FAM184A: variants seen among roughly 807,000 people sequenced by gnomAD.
FAM184A encodes family with sequence similarity 184 member A.
Under a neutral mutation model 143.8 loss-of-function variants are expected in FAM184A, and 99 were observed. The ratio of observed to expected loss-of-function variants is 0.69; its 90% CI spans 0.58 to 0.81. The LOEUF (loss-of-function observed/expected upper bound fraction) is 0.81. Among genes scored for constraint, FAM184A ranks in the 40% least tolerant of loss-of-function variants. FAM184A has a pLI of 0.00. For missense variants in FAM184A, 1,217 were observed against 1,310.5 expected, an observed-to-expected ratio of 0.93 and a Z score of 1.10; for synonymous variants, 427 against 446.4, an observed-to-expected ratio of 0.96 and a Z score of 0.55.
chr6:118,963,441 T>C (rs1783396112), intron 16 of FAM184A: 1 of 152,164 alleles, frequency 6.6e-6, no homozygotes, highest in African/African-American at 2.4e-5. Flanking sequence ...AATTATTTAC[T>C]CAGAGCTTTC....
At chr6:119,123,911 A>G (rs1300081329) in intron 1 of FAM184A, among the ~76,000 whole-genome samples, 1 of 152,220 alleles carries the variant, frequency 6.6e-6, no homozygotes, top group African/African-American at 2.4e-5. Context: ...TGATTGTGCC[A>G]TTACATTACA....
rs983544110 is a variant in FAM184A, at chr6:118,964,836, T to C, written c.3034-65A>G. On this transcript the variant is annotated intron_variant, in intron 15 of 17. Transcript: ENST00000338891. ...ATGGAATATTTTAAAAACATAAATG[T>C]ATAAACGCCATTTCATTTAAAATTT... 33 of 797,100 alleles carry C rather than the reference T, an allele frequency of 4.1e-5. No individual in the cohort carries two copies. In the South Asian group the frequency reaches 4.3e-4, roughly 10 times the overall value. The allele number at this position is 797,100 out of a possible 1,614,324, so 49.4% of individuals were successfully genotyped here. A position where few individuals can be genotyped will look rare whatever the true frequency, so the allele number is the denominator to read the frequency against.
intron 9 of FAM184A, among the ~76,000 whole-genome samples, chr6:118,981,259 C>A (rs1265089605): frequency 6.6e-6 from 1 of 152,062 alleles, no homozygotes. Context: ...ATTTAATTGA[C>A]CTATTTCTAT....
At chr6:119,004,954 T>A (rs761571182) in intron 7 of FAM184A, among the ~76,000 whole-genome samples, 92 of 152,180 alleles carry the variant, frequency 6.0e-4, no homozygotes, top group Non-Finnish European at 1.1e-3. Context: ...AGACAGAACT[T>A]CCATGATACC....
intron 9 of FAM184A, among the ~76,000 whole-genome samples, chr6:118,988,858 TA>T (rs1784272595): frequency 6.6e-6 from 1 of 151,826 alleles, no homozygotes; most frequent in African/African-American, 2.4e-5. Flanking sequence ...AGTCACCTCA[TA>T]TTTTTACCTT....
At chr6:119,033,990 C>CAAA (rs59719185) in intron 1 of FAM184A, among the ~76,000 whole-genome samples, 9 of 17,392 alleles carry the variant, frequency 5.2e-4, no homozygotes, top group Admixed American at 1.2e-3. Context: ...GACTCTGTCT[C>CAAA]AAAAAAAAAA....
intron 15 of FAM184A, among the ~76,000 whole-genome samples, chr6:118,966,174 G>T (rs535396333): frequency 4.7e-4 from 72 of 152,224 alleles, no homozygotes; most frequent in Non-Finnish European, 9.9e-4. Flanking sequence ...TGCTCTTTTT[G>T]CATGCTAAAG....
At chr6:119,029,777 C>T (rs900488245) in intron 1 of FAM184A, among the ~76,000 whole-genome samples, 3 of 152,126 alleles carry the variant, frequency 2.0e-5, no homozygotes, top group Admixed American at 2.0e-4. Context: ...TAGCAAACTA[C>T]AACCTGTAGG....
rs1454506081 is a variant in FAM184A at position 119,024,112 on chromosome 6, A to G, written c.861T>C (p.Leu287=). 6.2e-7 allele frequency: 1 copy of G among 1,614,152 alleles called. No homozygotes were observed. Among genetic ancestry groups the G allele is most frequent in the East Asian group, 2.2e-5 (1 of 44,882 alleles). ...CTTCTTGTCCCTGAAATTCTTTTCT[A>G]AGATCAGCTTCCTTTTCTTTGCTGG... ...LQASKEKEAD[L]RKEFQGQEAI... is the part of the protein sequence containing the mutation. The change falls in exon 2 of 18, where the codon CTT becomes CTC. Residue 287 remains leucine, a synonymous_variant. Transcript: ENST00000338891.
Position 119,096,447 on chromosome 6 carries a change from T to C in FAM184A, c.-202+52631A>G, listed in dbSNP as rs1788510507. Among the ~76,000 whole-genome samples, 2 of 93,178 alleles carry C rather than the reference T, an allele frequency of 2.1e-5. 1 individual carries two copies. The highest frequency in any genetic ancestry group is 8.7e-4 in the South Asian group (2 of 2,302). 61.1% of individuals were successfully genotyped at this position (93,178 alleles called of 152,430 possible). ...GTCAGGAGATCGAGACCATCCTGGC[T>C]AACAAGGTGAAACCCCGTCTCTACT... On this transcript the variant is annotated intron_variant, in intron 1 of 16. Coordinates refer to the FAM184A transcript ENST00000352896.
rs138147811 is a variant in FAM184A, at chr6:119,075,652, T to C, written c.159+2489A>G. 4.8e-4 allele frequency among the ~76,000 whole-genome samples: 73 copies of C among 152,336 alleles called. No homozygotes were observed. In the East Asian group the frequency reaches 6.2e-3, roughly 13 times the overall value. Reference sequence around the variant, plus strand: ...TAATTGTTACATTTACAGTGTACAATTATGAAATATTAGCCATTGTCAAGT... The same window carrying C: ...TAATTGTTACATTTACAGTGTACAACTATGAAATATTAGCCATTGTCAAGT... On this transcript the variant is annotated intron_variant, in intron 1 of 17. Coordinates refer to ENST00000338891, the MANE Select transcript of FAM184A (RefSeq NM_024581.6).
Position 119,089,988 on chromosome 6 carries a change from T to C in FAM184A, c.-202+59090A>G, listed in dbSNP as rs77840091. On this transcript the variant is annotated intron_variant, in intron 1 of 16. Coordinates refer to the FAM184A transcript ENST00000352896. ...TGTTTATTTCCAATTTTTAGTTAAC[T>C]TCATTTTCTCAACCAACACTATCAT... Among the ~76,000 whole-genome samples the C allele has an allele frequency of 6.5e-3, 994 of 152,310 alleles. 7 individuals carry two copies. Among genetic ancestry groups the C allele is most frequent in the Non-Finnish European group, 8.7e-3 (591 of 68,018 alleles).
rs66707302 is a variant in FAM184A at position 119,115,970 on chromosome 6, AACACACAC to A, written c.-202+33100_-202+33107del. Among the ~76,000 whole-genome samples the A allele has an allele frequency of 3.9e-4, 53 of 137,374 alleles. No homozygotes were observed. The East Asian group carries it at 4.6e-3, about 12-fold the overall frequency. The allele number at this position is 137,374 out of a possible 152,430, so 90.1% of individuals were successfully genotyped here. Reference sequence around the variant, plus strand: ...GGTGACAGAGAAAGACTCCGTCTCAAACACACACACACACACACACACACACACACACA... The same window carrying A: ...GGTGACAGAGAAAGACTCCGTCTCAAACACACACACACACACACACACACA... On this transcript the variant is annotated intron_variant, in intron 1 of 16. Coordinates refer to the FAM184A transcript ENST00000352896.
intron 14 of FAM184A, among the ~76,000 whole-genome samples, chr6:118,973,833 G>A (rs1051741580): frequency 6.6e-6 from 1 of 152,136 alleles, no homozygotes; most frequent in Non-Finnish European, 1.5e-5. Context: ...CTATGTATGA[G>A]CGGTAACTTT....
chr6:118,983,563 A>C (rs116098741), intron 9 of FAM184A, among the ~76,000 whole-genome samples: 2,843 of 152,266 alleles, frequency 0.019, 100 homozygotes, highest in African/African-American at 0.066. Context: ...TTAAAATTTA[A>C]AAAATTCTAT....
chr6:119,034,035 T>TAAAA (rs1454004344), intron 1 of FAM184A, among the ~76,000 whole-genome samples: 1 of 34,260 alleles, frequency 2.9e-5, no homozygotes, highest in Non-Finnish European at 5.3e-5. Flanking sequence ...TATATATATA[T>TAAAA]ATATATAGAG....
intron 1 of FAM184A, among the ~76,000 whole-genome samples, chr6:119,095,508 C>CA (rs1788481855): frequency 6.6e-6 from 1 of 152,118 alleles, no homozygotes; most frequent in Non-Finnish European, 1.5e-5. Flanking sequence ...GGTGGTCTCT[C>CA]AGAGAGGATA....
At chr6:119,015,424 C>T (rs1277730388) in intron 5 of FAM184A, among the ~76,000 whole-genome samples, 4 of 152,174 alleles carry the variant, frequency 2.6e-5, no homozygotes, top group East Asian at 1.9e-4. Flanking sequence ...TCAGAGCGGC[C>T]GGCCGGCCCT....
At chr6:119,089,171 T>A (rs889950187) in intron 1 of FAM184A, among the ~76,000 whole-genome samples, 13 of 148,382 alleles carry the variant, frequency 8.8e-5, no homozygotes, top group African/African-American at 2.3e-4. Flanking sequence ...TTTTTTTTTT[T>A]AATTATCTCT....
Sources: allele counts gnomAD v4.1 joint callset (sites outside exome capture counted in the v4.1 genomes callset), GRCh38; gene constraint gnomAD v4.1.1; transcripts MANE v1.5; gene names NCBI Gene and HGNC (gene_info 2026-07-23, HGNC 2026-07-21).